RTL4: variants seen among roughly 807,000 people sequenced by gnomAD.
RTL4 encodes retrotransposon Gag like 4, also known as retrotransposon Gag-like protein 4.
Under a neutral mutation model 5.3 loss-of-function variants are expected in RTL4, and 4 were observed. The ratio of observed to expected loss-of-function variants is 0.75; its 90% CI spans 0.37 to 1.72. The LOEUF (loss-of-function observed/expected upper bound fraction) is 1.72. RTL4 is among the 40% of genes most tolerant of loss of function. The pLI is 0.04. For synonymous variants in RTL4, 98 were observed against 87.3 expected, an observed-to-expected ratio of 1.12 and a Z score of -0.68; for missense variants, 260 against 227.1, an observed-to-expected ratio of 1.14 and a Z score of -0.93.
the RTL4 span, among the ~76,000 whole-genome samples, chrX:112,159,870 C>T: frequency 9.0e-6 from 1 of 111,075 alleles, no homozygotes; most frequent in Non-Finnish European, 1.9e-5. Flanking sequence ...ACTTGCAACG[C>T]TCTTTCCCCT....
chrX:112,345,843 A>G, the RTL4 span, among the ~76,000 whole-genome samples: 1 of 111,120 alleles, frequency 9.0e-6, no homozygotes, highest in East Asian at 2.8e-4. Context: ...TGCTTGTCTT[A>G]TTTTTCAAGA....
At chrX:112,396,561 G>A in the RTL4 span, among the ~76,000 whole-genome samples, 7 of 110,654 alleles carry the variant, frequency 6.3e-5, no homozygotes, top group Admixed American at 1.9e-4. Context: ...TTAGACATAC[G>A]GAAAAATTGA....
chrX:112,300,103 TATCTATCC>T, the RTL4 span, among the ~76,000 whole-genome samples: 2 of 111,842 alleles, frequency 1.8e-5, no homozygotes, highest in African/African-American at 6.5e-5. Context: ...TCTATCTATC[TATCTATCC>T]ATCCCTCTAT....
chrX:112,142,921 C>T, the RTL4 span, among the ~76,000 whole-genome samples: 5 of 110,969 alleles, frequency 4.5e-5, no homozygotes, highest in Admixed American at 3.8e-4. Context: ...CTCCACCTCC[C>T]GGCTTCAAGA....
chrX:112,188,949 G>C, the RTL4 span, among the ~76,000 whole-genome samples: 1 of 111,181 alleles, frequency 9.0e-6, no homozygotes, highest in Non-Finnish European at 1.9e-5. Flanking sequence ...GCCAGGACTA[G>C]AGCCCAGGTA....
chrX:112,392,819 C>T, the RTL4 span, among the ~76,000 whole-genome samples: 50 of 111,995 alleles, frequency 4.5e-4, no homozygotes, highest in African/African-American at 1.5e-3. Flanking sequence ...ATTGAATACC[C>T]TCTTTAAAAA....
At chrX:112,138,226 C>T in the RTL4 span, among the ~76,000 whole-genome samples, 4 of 111,765 alleles carry the variant, frequency 3.6e-5, no homozygotes, top group Admixed American at 1.9e-4. Flanking sequence ...ATTAGAATGG[C>T]GGTAGCCAGG....
chrX:112,289,090 G>A, the RTL4 span, among the ~76,000 whole-genome samples: 5 of 111,786 alleles, frequency 4.5e-5, no homozygotes, highest in Non-Finnish European at 9.4e-5. Flanking sequence ...TCTCCTTATT[G>A]TGTCTCTTAT....
the RTL4 span, among the ~76,000 whole-genome samples, chrX:112,219,916 T>C: frequency 8.9e-6 from 1 of 112,004 alleles, no homozygotes; most frequent in Non-Finnish European, 1.9e-5. Context: ...GAAAAACCTT[T>C]CTTTCTCCAC....
the RTL4 span, among the ~76,000 whole-genome samples, chrX:112,329,840 C>A: frequency 3.6e-5 from 4 of 111,554 alleles, no homozygotes; most frequent in Non-Finnish European, 5.7e-5. Flanking sequence ...CCCTGGGATG[C>A]AAGGCTGGTT....
the RTL4 span, among the ~76,000 whole-genome samples, chrX:112,339,494 G>A: frequency 8.9e-6 from 1 of 112,029 alleles, no homozygotes; most frequent in East Asian, 2.8e-4. Flanking sequence ...ATACAGAAAA[G>A]GTGGTTCATA....
the RTL4 span, among the ~76,000 whole-genome samples, chrX:112,115,450 G>C: frequency 2.7e-5 from 3 of 111,686 alleles, no homozygotes; most frequent in Admixed American, 2.9e-4. Context: ...AAATGGAGGG[G>C]AGGGCCATAC....
At chrX:112,109,729 A>C in the RTL4 span, among the ~76,000 whole-genome samples, 1 of 111,597 alleles carries the variant, frequency 9.0e-6, no homozygotes. Flanking sequence ...CCAACCCAGA[A>C]GTCCAGCTGG....
the RTL4 span, among the ~76,000 whole-genome samples, chrX:112,317,700 G>A: frequency 9.0e-6 from 1 of 111,718 alleles, no homozygotes; most frequent in Non-Finnish European, 1.9e-5. Context: ...CTGTTCAAAT[G>A]CACCACGTAT....
the RTL4 span, among the ~76,000 whole-genome samples, chrX:112,366,309 G>C: frequency 9.0e-6 from 1 of 111,608 alleles, no homozygotes; most frequent in South Asian, 3.8e-4. Context: ...GAAAGATAAA[G>C]TAATAATTAG....
the RTL4 span, among the ~76,000 whole-genome samples, chrX:112,177,198 G>A: frequency 3.7e-4 from 41 of 111,015 alleles, no homozygotes; most frequent in Admixed American, 3.9e-3. Context: ...ATTTGGGTAT[G>A]TACCCAGCAG....
chrX:112,371,022 A>T, the RTL4 span, among the ~76,000 whole-genome samples: 1 of 110,115 alleles, frequency 9.1e-6, no homozygotes, highest in African/African-American at 3.3e-5. Flanking sequence ...GCCCAAGTGA[A>T]TCAATCCTGA....
At chrX:112,388,608 G>A in the RTL4 span, among the ~76,000 whole-genome samples, 13 of 111,969 alleles carry the variant, frequency 1.2e-4, no homozygotes, top group African/African-American at 4.2e-4. Flanking sequence ...TTTATTGAGA[G>A]ATTTTAACAT....
the RTL4 span, among the ~76,000 whole-genome samples, chrX:112,224,335 T>G: frequency 9.4e-6 from 1 of 106,304 alleles, no homozygotes; most frequent in Non-Finnish European, 1.9e-5. Flanking sequence ...TATTTATTTA[T>G]TTATTTATTT....
Sources: gnomAD v4.1 joint callset for allele counts (sites outside exome capture counted in the v4.1 genomes callset) on GRCh38, gnomAD v4.1.1 for gene constraint, MANE v1.5 for transcripts, NCBI Gene and HGNC (gene_info 2026-07-23, HGNC 2026-07-21) for gene names.